Variants in CR2 observed in about 807,000 individuals in gnomAD.
The protein encoded by CR2 is complement receptor type 2.
CR2 carries 96 observed loss-of-function variants against 123.0 expected under a neutral mutation model. The ratio of observed to expected loss-of-function variants is 0.78; its 90% CI spans 0.66 to 0.93. The LOEUF is 0.93. Among genes scored for constraint, CR2 ranks in the 40% least tolerant of loss-of-function variants. CR2 has a pLI of 0.00. For missense variants in CR2, 1,258 were observed against 1,361.0 expected, an observed-to-expected ratio of 0.92 and a Z score of 1.19; for synonymous variants, 484 against 469.5, an observed-to-expected ratio of 1.03 and a Z score of -0.40.
At chr1:207,473,289 T>A in intron 10 of CR2, 110 bp downstream of exon 10, 1 of 1,310,562 alleles carries the variant, frequency 7.6e-7, no homozygotes, top group Non-Finnish European at 1.1e-6. Flanking sequence ...CACAGATTAC[T>A]TTCTGTTTCT....
intron 1 of CR2, among the ~76,000 whole-genome samples, chr1:207,461,944 G>C (rs1165094350): frequency 1.3e-5 from 2 of 152,032 alleles, no homozygotes; most frequent in East Asian, 3.9e-4. Flanking sequence ...TTACTCCTAG[G>C]GGCACTGGGT....
chr1:207,466,433 A>C lies in CR2; in HGVS notation c.59-93A>C. The C allele has an allele frequency of 2.8e-6, 4 of 1,423,746 alleles. No individual in the cohort carries two copies. The South Asian group carries it at 4.7e-5, about 17-fold the overall frequency. 88.2% of individuals were successfully genotyped at this position (1,423,746 alleles called of 1,614,324 possible). ...ATATTTCTAAGTCTGTTTCTGAAAA[A>C]GTTATGTGATCTATATTTGGATATT... On this transcript the variant is annotated intron_variant, in intron 1 of 19. Transcript: ENST00000367057.
Position 207,476,292 on chromosome 1 carries a change from C to A in CR2, c.2775C>A (p.Asn925Lys), listed in dbSNP as rs756303128. 19 of 1,613,990 alleles carry A rather than the reference C, an allele frequency of 1.2e-5. No individual in the cohort carries two copies. The highest frequency in any genetic ancestry group is 1.6e-5 in the Non-Finnish European group (19 of 1,179,916). The change falls in exon 15 of 20, where the codon AAC becomes AAA. Residue 925 changes from asparagine to lysine, a missense_variant. Asn to Lys is a moderately conservative substitution (Grantham distance 94). Transcript: ENST00000367057. ...KTPNGNHTGG[N>K]IARFSPGMSI... Reference sequence around the variant, plus strand: ...CTAACGGGAACCATACTGGTGGAAACATAGCTCGATTTTCTCCTGGAATGT... The same window carrying A: ...CTAACGGGAACCATACTGGTGGAAAAATAGCTCGATTTTCTCCTGGAATGT...
chr1:207,487,976 G>A (rs115749816), intron 19 of CR2, among the ~76,000 whole-genome samples: 2,004 of 152,280 alleles, frequency 0.013, 50 homozygotes, highest in African/African-American at 0.046. Context: ...AGGTATTAGA[G>A]AGTTAAGAAG....
At chr1:207,477,618 C>A (rs1236048722) in intron 15 of CR2, among the ~76,000 whole-genome samples, 1 of 152,136 alleles carries the variant, frequency 6.6e-6, no homozygotes, top group Non-Finnish European at 1.5e-5. Context: ...TCCAAGAAGC[C>A]ATTAAAATTA....
chr1:207,479,202 A>G (rs1274283604), intron 16 of CR2, 55 bp from the exon 17 acceptor site: 3 of 1,359,976 alleles, frequency 2.2e-6, no homozygotes, highest in East Asian at 2.3e-5. Context: ...GTGGGGCTAC[A>G]TTGAATTATG....
rs1174010501 is a variant in CR2, at chr1:207,489,853, C to T, written c.*730C>T. On this transcript the variant is annotated 3_prime_UTR_variant, in exon 20 of 20. Transcript: ENST00000367057. ...GTAAAATTTCACTTAATAATGTGTA[C>T]ATTAGTCATTCAATAAATTGTAATT... 1 of 151,798 alleles carries T rather than the reference C, an allele frequency of 6.6e-6. No homozygotes were observed. Among genetic ancestry groups the T allele is most frequent in the East Asian group, 1.9e-4 (1 of 5,184 alleles). The allele number at this position is 151,798 out of a possible 1,614,324, so 9.4% of individuals were successfully genotyped here.
chr1:207,473,312 T>C lies in CR2; in HGVS notation c.1978+133T>C, dbSNP rs532726645. The C allele has an allele frequency of 1.7e-4, 204 of 1,171,108 alleles. 1 individual carries two copies. The Middle Eastern group carries it at 6.9e-3, about 40-fold the overall frequency. 72.5% of individuals were successfully genotyped at this position (1,171,108 alleles called of 1,614,324 possible). A position where few individuals can be genotyped will look rare whatever the true frequency, so the allele number is the denominator to read the frequency against. On this transcript the variant is annotated intron_variant, in intron 10 of 19. Coordinates refer to ENST00000367057, the MANE Select transcript of CR2 (RefSeq NM_001006658.3). ...ACTTTCTGTTTCTTCCATCCTATAA[T>C]AGATGTTCTCTGTGTTGTGTGTGTG... is the stretch of plus-strand genomic sequence containing the variant.
intron 16 of CR2, among the ~76,000 whole-genome samples, chr1:207,478,836 G>GT (rs1203105255): frequency 6.6e-6 from 1 of 151,810 alleles, no homozygotes; most frequent in Non-Finnish European, 1.5e-5. Flanking sequence ...TGATTATAAA[G>GT]TTGAGTATAT....
chr1:207,470,920 C>T lies in CR2; in HGVS notation c.1402+4C>T, dbSNP rs756518877. 3.7e-6 allele frequency: 6 copies of T among 1,613,678 alleles called. No individual in the cohort carries two copies. Among genetic ancestry groups the T allele is most frequent in the African/African-American group, 1.3e-5 (1 of 74,886 alleles). ...CCCCCTGTACCCCAATGCAAAGGTGCCAGGCCTCAAATGTAGACATTTTGT... is the reference window on the plus strand; with the variant it reads ...CCCCCTGTACCCCAATGCAAAGGTGTCAGGCCTCAAATGTAGACATTTTGT... On this transcript the variant is annotated splice_donor_region_variant and intron_variant, in intron 7 of 19. Transcript: ENST00000367057.
intron 19 of CR2, among the ~76,000 whole-genome samples, chr1:207,487,003 A>G (rs1320323144): frequency 6.6e-6 from 1 of 152,154 alleles, no homozygotes; most frequent in Non-Finnish European, 1.5e-5. Context: ...ATGTGGTTGT[A>G]CATAACAAGG....
chr1:207,459,311 G>GT (rs1336181289), intron 1 of CR2, among the ~76,000 whole-genome samples: 4 of 146,364 alleles, frequency 2.7e-5, no homozygotes, highest in Admixed American at 1.4e-4. Context: ...TTCTGAAGGT[G>GT]TTTTTTGTTG....
intron 1 of CR2, among the ~76,000 whole-genome samples, chr1:207,465,421 ATAATT>A (rs895292632): frequency 2.0e-5 from 3 of 148,684 alleles, no homozygotes; most frequent in African/African-American, 7.8e-5. Context: ...ATATATATAT[ATAATT>A]ATCACATCTT....
intron 18 of CR2, 151 bp from the exon 19 acceptor site, chr1:207,485,313 G>C: frequency 1.6e-6 from 1 of 606,078 alleles, no homozygotes; most frequent in Non-Finnish European, 3.1e-6. Flanking sequence ...TTCTGCACAT[G>C]TATCCCAGAA....
At chr1:207,476,472 A>G (rs975375179) in intron 15 of CR2, 53 bp downstream of exon 15, 2 of 1,522,348 alleles carry the variant, frequency 1.3e-6, no homozygotes, top group Non-Finnish European at 1.8e-6. Context: ...TGCCAAATAG[A>G]TATATTCAGT....
rs770563793 is a variant in CR2, at chr1:207,469,789, T to C, written c.912T>C (p.Thr304=). ...CATATGGAAGCATAGTCACTTACAC[T>C]TGTGACCCGGACCCAGAGGAAGGAG... is the stretch of plus-strand genomic sequence containing the variant. The part of the protein sequence containing the change: ...NVSYGSIVTY[T]CDPDPEEGVN... The change falls in exon 6 of 20, where the codon ACT becomes ACC. Residue 304 remains threonine, a synonymous_variant. Transcript: ENST00000367057. 1 of 1,613,946 alleles carries C rather than the reference T, an allele frequency of 6.2e-7. No individual in the cohort carries two copies. Among genetic ancestry groups the C allele is most frequent in the South Asian group, 1.1e-5 (1 of 91,082 alleles).
chr1:207,466,805 C>G lies in CR2; in HGVS notation c.338C>G (p.Ser113Cys), dbSNP rs1372627078. 1 of 1,613,974 alleles carries G rather than the reference C, an allele frequency of 6.2e-7. No individual in the cohort carries two copies. Among genetic ancestry groups the G allele is most frequent in the East Asian group, 2.2e-5 (1 of 44,882 alleles). The change falls in exon 2 of 20, where the codon TCT becomes TGT. Residue 113 changes from serine to cysteine, a missense_variant. Transcript: ENST00000367057. ...RGSTPYRHGDSVTFACKTNFS... is the reference protein window; with the variant it reads ...RGSTPYRHGDCVTFACKTNFS... ...TCTACACCCTACAGACATGGTGATT[C>G]TGTGACATTTGCCTGTAAAACCAAC...
chr1:207,458,375 T>A (rs1490982563), intron 1 of CR2, among the ~76,000 whole-genome samples: 1 of 152,146 alleles, frequency 6.6e-6, no homozygotes, highest in Non-Finnish European at 1.5e-5. Context: ...TTTAAAAATG[T>A]AAGTCAGGCC....
At chr1:207,486,385 A>G (rs2102315927) in intron 19 of CR2, among the ~76,000 whole-genome samples, 1 of 152,220 alleles carries the variant, frequency 6.6e-6, no homozygotes, top group Admixed American at 6.5e-5. Flanking sequence ...AGTTGTAGAG[A>G]TGAAGTCACA....
Sources: allele counts gnomAD v4.1 joint callset (sites outside exome capture counted in the v4.1 genomes callset), GRCh38; gene constraint gnomAD v4.1.1; transcripts MANE v1.5; gene names NCBI Gene and HGNC (gene_info 2026-07-23, HGNC 2026-07-21).